The following ATP9B variants were observed in gnomAD, a reference collection of about 807,000 sequenced individuals.
ATP9B encodes the protein ATPase phospholipid transporting 9B, also known as probable phospholipid-transporting ATPase IIB.
ATP9B carries 110 observed loss-of-function variants against 146.1 expected under a neutral mutation model. The observed-to-expected ratio is 0.75, with a 90% CI of 0.65 to 0.88. ATP9B has a LOEUF of 0.88. Among genes scored for constraint, ATP9B ranks in the 40% least tolerant of loss-of-function variants. The probability of loss-of-function intolerance (pLI) is 0.00; values close to 1 mark genes in which losing one functional copy is unlikely to be tolerated. For missense variants in ATP9B, 1,499 were observed against 1,496.4 expected (o/e 1.00, Z -0.03); for synonymous variants, 604 against 569.7 (o/e 1.06, Z -0.86).
intron 13 of ATP9B, among the ~76,000 whole-genome samples, chr18:79,302,353 GA>G (rs1468867838): frequency 1.3e-5 from 2 of 151,860 alleles, no homozygotes; most frequent in Non-Finnish European, 2.9e-5. Context: ...GGGACAAGGT[GA>G]AAGCACCACG....
chr18:79,110,765 T>C (rs1490023356), intron 3 of ATP9B, among the ~76,000 whole-genome samples: 1 of 152,230 alleles, frequency 6.6e-6, no homozygotes, highest in Non-Finnish European at 1.5e-5. Flanking sequence ...AAACATCATA[T>C]TTATATTATT....
At chr18:79,213,774 T>C (rs963983969) in intron 10 of ATP9B, among the ~76,000 whole-genome samples, 188 bp from the exon 11 acceptor site, 2 of 152,196 alleles carry the variant, frequency 1.3e-5, no homozygotes, top group Non-Finnish European at 2.9e-5. Context: ...CATTTGACTT[T>C]TTCAAAGTCC....
At chr18:79,245,807 T>TACCACCCTACTGACTGAGGAGGGC (rs2095947476) in intron 11 of ATP9B, among the ~76,000 whole-genome samples, 3 of 96,206 alleles carry the variant, frequency 3.1e-5, no homozygotes, top group Non-Finnish European at 6.0e-5. Flanking sequence ...CTGAGGAGGG[T>TACCACCCTACTGACTGAGGAGGGC]ACCACCCTAC....
rs183127783 is a variant in ATP9B at position 79,366,164 on chromosome 18, C to T, written c.3013-6661C>T. Among the ~76,000 whole-genome samples, 378 of 152,310 alleles carry T rather than the reference C, an allele frequency of 2.5e-3. 1 individual carries two copies. Among genetic ancestry groups the T allele is most frequent in the South Asian group, 6.4e-3 (31 of 4,824 alleles). ...TGTAGGGAAGAGACCCGTCCGTGGT[C>T]GCTAAAGGTTTGAGTGTAGAGGGTG... On this transcript the variant is annotated intron_variant, in intron 26 of 29. Coordinates refer to ENST00000426216, the MANE Select transcript of ATP9B (RefSeq NM_198531.5).
intron 7 of ATP9B, among the ~76,000 whole-genome samples, chr18:79,158,745 A>C (rs1179339967): frequency 6.6e-6 from 1 of 152,242 alleles, no homozygotes; most frequent in Non-Finnish European, 1.5e-5. Context: ...ATTTGTGAAA[A>C]ATGTCCTAAC....
intron 13 of ATP9B, among the ~76,000 whole-genome samples, chr18:79,297,710 A>T (rs1162245871): frequency 6.6e-6 from 1 of 152,222 alleles, no homozygotes; most frequent in South Asian, 2.1e-4. Context: ...ACATTATATT[A>T]TGTTTAGTTT....
rs1296160986 is a variant in ATP9B, at chr18:79,345,587, C to T, written c.2617+15C>T. 6.2e-7 allele frequency: 1 copy of T among 1,604,006 alleles called. No individual in the cohort carries two copies. The highest frequency in any genetic ancestry group is 1.3e-5 in the African/African-American group (1 of 74,870). ...CTGCGCCATCGGTGAGAGCCGCCCA[C>T]CCTGCTCACAGGGAGGTCTCCAGAG... is the stretch of plus-strand genomic sequence containing the variant. On this transcript the variant is annotated intron_variant, in intron 22 of 29. Coordinates refer to ENST00000426216, the MANE Select transcript of ATP9B (RefSeq NM_198531.5).
chr18:79,304,497 A>G (rs2096610183), intron 14 of ATP9B, among the ~76,000 whole-genome samples: 1 of 152,208 alleles, frequency 6.6e-6, no homozygotes, highest in South Asian at 2.1e-4. Flanking sequence ...ATGGCGTTCA[A>G]AAAGCTTCAA....
In ATP9B at chr18:79,143,813, G is replaced by C; in HGVS notation, c.679G>C (p.Val227Leu). The C allele has an allele frequency of 6.3e-7, 1 of 1,582,382 alleles. No individual in the cohort carries two copies. The highest frequency in any genetic ancestry group is 8.6e-7 in the Non-Finnish European group (1 of 1,167,596). Residue 227 changes from valine (V) to leucine (L), a missense_variant, in exon 6 of 30, where the codon GTT becomes CTT. Transcript: ENST00000426216. Reference protein sequence around the residue: ...SKLTVRGKVQVKSSDIQVGDL... With the variant: ...SKLTVRGKVQLKSSDIQVGDL... Reference sequence around the variant, plus strand: ...CTTCTTTTTTTAAGGTAAAGTGCAAGTTAAGAGTTCAGACATACAAGTTGG... The same window carrying C: ...CTTCTTTTTTTAAGGTAAAGTGCAACTTAAGAGTTCAGACATACAAGTTGG...
At chr18:79,372,384 G>A (rs1457231984) in intron 26 of ATP9B, 6 of 338,486 alleles carry the variant, frequency 1.8e-5, no homozygotes, top group Middle Eastern at 2.2e-3. Context: ...CAGTTGAGAT[G>A]TGCCATCCTT....
chr18:79,280,618 A>G (rs1233830655), intron 13 of ATP9B, among the ~76,000 whole-genome samples: 1 of 152,216 alleles, frequency 6.6e-6, no homozygotes, highest in Non-Finnish European at 1.5e-5. Flanking sequence ...GAAGATTTGA[A>G]TAGCATAATT....
intron 1 of ATP9B, among the ~76,000 whole-genome samples, chr18:79,074,536 G>A (rs2072366126): frequency 6.6e-6 from 1 of 152,254 alleles, no homozygotes; most frequent in South Asian, 2.1e-4. Context: ...TCCCTAATGA[G>A]AGAGACCAGT....
chr18:79,272,781 G>T (rs915592868), intron 12 of ATP9B, among the ~76,000 whole-genome samples: 1 of 152,200 alleles, frequency 6.6e-6, no homozygotes, highest in Non-Finnish European at 1.5e-5. Flanking sequence ...GTCACCTTCT[G>T]TTATGCATCA....
At chr18:79,232,660 G>A (rs1287316997) in intron 11 of ATP9B, among the ~76,000 whole-genome samples, 4 of 152,298 alleles carry the variant, frequency 2.6e-5, no homozygotes, top group Non-Finnish European at 4.4e-5. Context: ...CAGGTATGAC[G>A]CAGATTTTTG....
chr18:79,161,814 C>T (rs2094886626), intron 7 of ATP9B, among the ~76,000 whole-genome samples: 1 of 152,166 alleles, frequency 6.6e-6, no homozygotes, highest in Non-Finnish European at 1.5e-5. Flanking sequence ...CCACTGCACT[C>T]CAGCCTGGGT....
Position 79,099,499 on chromosome 18 carries a change from G to A in ATP9B, c.293+2850G>A, listed in dbSNP as rs145746457. On this transcript the variant is annotated intron_variant, in intron 2 of 29. Coordinates refer to ENST00000426216, the MANE Select transcript of ATP9B (RefSeq NM_198531.5). ...GCTTCCCTTAGTGTTGGAATTACAG[G>A]CGTGAGCCACCGTCCCTGGGCCCAA... 1.1e-4 allele frequency among the ~76,000 whole-genome samples: 16 copies of A among 152,290 alleles called. 1 individual carries two copies. In the East Asian group the frequency reaches 3.1e-3, roughly 29 times the overall value.
chr18:79,167,773 T>C (rs2094997102), intron 7 of ATP9B, among the ~76,000 whole-genome samples: 1 of 152,200 alleles, frequency 6.6e-6, no homozygotes, highest in Admixed American at 6.5e-5. Context: ...CACTGGGAAC[T>C]GGCAGCCCGG....
chr18:79,155,328 T>C (rs1272871761), intron 7 of ATP9B, among the ~76,000 whole-genome samples: 1 of 152,204 alleles, frequency 6.6e-6, no homozygotes, highest in Non-Finnish European at 1.5e-5. Flanking sequence ...TTATATGACC[T>C]GAGCTTTCAA....
intron 29 of ATP9B, 64 bp from the exon 30 acceptor site, chr18:79,377,183 G>A (rs1568880006): frequency 1.3e-6 from 2 of 1,587,966 alleles, no homozygotes; most frequent in South Asian, 1.1e-5. Context: ...GTCTGTGGCT[G>A]TGGCCATGAG....
Sources: allele counts gnomAD v4.1 joint callset (sites outside exome capture counted in the v4.1 genomes callset), GRCh38; gene constraint gnomAD v4.1.1; transcripts MANE v1.5; gene names NCBI Gene and HGNC (gene_info 2026-07-23, HGNC 2026-07-21).